Variants in PNPLA1 observed in about 807,000 individuals in gnomAD.
PNPLA1 encodes patatin like domain 1, omega-hydroxyceramide transacylase, also known as omega-hydroxyceramide transacylase.
Under a neutral mutation model 51.7 loss-of-function variants are expected in PNPLA1, and 36 were observed. The observed-to-expected ratio is 0.70, with a 90% CI of 0.53 to 0.92. The LOEUF (loss-of-function observed/expected upper bound fraction) is 0.92, where lower values mean the gene tolerates loss of function less well. Ranked by LOEUF, PNPLA1 falls within the 40% of genes least tolerant of loss-of-function variation. The probability of loss-of-function intolerance (pLI) is 0.00; values close to 1 mark genes in which losing one functional copy is unlikely to be tolerated. For synonymous variants in PNPLA1, 293 were observed against 280.1 expected (o/e 1.05, Z -0.46); for missense variants, 658 against 682.5 (o/e 0.96, Z 0.40).
rs1238322337 is a variant in PNPLA1, at chr6:36,313,955, A to G, written c.*2069A>G. Among the ~76,000 whole-genome samples the G allele has an allele frequency of 6.6e-6, 1 of 152,210 alleles. No homozygotes were observed. The highest frequency in any genetic ancestry group is 6.5e-5 in the Admixed American group (1 of 15,290). On this transcript the variant is annotated 3_prime_UTR_variant, in exon 9 of 9. Coordinates refer to ENST00000636260, the MANE Select transcript of PNPLA1 (RefSeq NM_001374623.1). ...TACATCCTCTTGCATACTTCCCTTC[A>G]CTTGGTTTAATTATTTTTCTTGTTT...
In PNPLA1 at chr6:36,270,323, A is replaced by C; in HGVS notation, c.-137A>C. ...CAGCCTGTGGTTGCTCCAGCCGGGT[A>C]GAGACAGCCACATTCCAAGCTCCGG... is the stretch of plus-strand genomic sequence containing the variant. On this transcript the variant is annotated 5_prime_UTR_variant, in exon 1 of 9. Transcript: ENST00000636260. 14 of 859,104 alleles carry C rather than the reference A, an allele frequency of 1.6e-5. No individual in the cohort carries two copies. The highest frequency in any genetic ancestry group is 2.4e-5 in the Non-Finnish European group (13 of 541,022). 53.2% of individuals were successfully genotyped at this position (859,104 alleles called of 1,614,324 possible).
At chr6:36,302,818 G>T (rs1222451850) in intron 6 of PNPLA1, among the ~76,000 whole-genome samples, 1 of 152,096 alleles carries the variant, frequency 6.6e-6, no homozygotes, top group Non-Finnish European at 1.5e-5. Flanking sequence ...AGCCCTCCAG[G>T]TGATTTTTTG....
intron 5 of PNPLA1, among the ~76,000 whole-genome samples, chr6:36,297,641 G>A (rs552795544): frequency 1.1e-3 from 162 of 152,272 alleles, no homozygotes; most frequent in Non-Finnish European, 1.7e-3. Context: ...TCCTTGCAGC[G>A]GCCTTCTGCC....
chr6:36,303,460 A>G (rs1771138209), intron 6 of PNPLA1, among the ~76,000 whole-genome samples: 1 of 152,226 alleles, frequency 6.6e-6, no homozygotes. Context: ...TAGGGCCTGC[A>G]AAGATAAAAC....
intron 1 of PNPLA1, among the ~76,000 whole-genome samples, chr6:36,254,585 A>C (rs565280271): frequency 1.3e-5 from 2 of 151,954 alleles, no homozygotes; most frequent in South Asian, 4.2e-4. Context: ...AAACAAACAA[A>C]AAAAAAAACA....
rs567223899 is a variant in PNPLA1, at chr6:36,251,809, G to T, written c.-81+8548G>T. ...ATTTTTTTTTAATTAGCCAGGTGAGGTGGTGCAAGTCTGTAGTCCTAGCTA... is the reference window on the plus strand; with the variant it reads ...ATTTTTTTTTAATTAGCCAGGTGAGTTGGTGCAAGTCTGTAGTCCTAGCTA... On this transcript the variant is annotated intron_variant, in intron 1 of 7. Transcript: ENST00000312917. Among the ~76,000 whole-genome samples, 5 of 152,150 alleles carry T rather than the reference G, an allele frequency of 3.3e-5. No homozygotes were observed. In the East Asian group the frequency reaches 9.7e-4, roughly 29 times the overall value.
chr6:36,261,780 A>G (rs570043988), intron 1 of PNPLA1, among the ~76,000 whole-genome samples: 7 of 152,340 alleles, frequency 4.6e-5, no homozygotes, highest in Non-Finnish European at 8.8e-5. Flanking sequence ...AATTTGTCAA[A>G]GGTGCAACTA....
chr6:36,293,578 T>C (rs1413428553), intron 3 of PNPLA1, among the ~76,000 whole-genome samples: 1 of 152,234 alleles, frequency 6.6e-6, no homozygotes, highest in Non-Finnish European at 1.5e-5. Flanking sequence ...CCTGAGGGTC[T>C]GCGCCCCTAA....
chr6:36,306,369 T>C lies in PNPLA1; in HGVS notation c.1462T>C (p.Tyr488His). ...TGTGAAGGAAACCGTCAGCAAGCCT[T>C]ATGTAACGTAAGTTTCCCCTTCGTG... Reference protein sequence around the residue: ...VHVKETVSKPYVTESPAEDSN... With the variant: ...VHVKETVSKPHVTESPAEDSN... The change falls in exon 7 of 9, where the codon TAT becomes CAT. Residue 488 changes from tyrosine to histidine, a missense_variant. Tyr to His is a moderately conservative substitution (Grantham distance 83, BLOSUM62 2). Coordinates refer to ENST00000636260, the MANE Select transcript of PNPLA1 (RefSeq NM_001374623.1). 6.2e-7 allele frequency: 1 copy of C among 1,610,854 alleles called. No individual in the cohort carries two copies. The highest frequency in any genetic ancestry group is 1.7e-5 in the Admixed American group (1 of 59,092).
Position 36,313,362 on chromosome 6 carries a change from C to T in PNPLA1, c.*1476C>T, listed in dbSNP as rs1771447289. 6.6e-6 allele frequency among the ~76,000 whole-genome samples: 1 copy of T among 152,136 alleles called. No individual in the cohort carries two copies. Among genetic ancestry groups the T allele is most frequent in the South Asian group, 2.1e-4 (1 of 4,824 alleles). ...GGTCCCGCCAGGCCCAGCAAGGAAG[C>T]CCCAGCTGCCCACAGGCCTCAGGTA... On this transcript the variant is annotated 3_prime_UTR_variant, in exon 9 of 9. Transcript: ENST00000636260.
In PNPLA1 at chr6:36,312,540, G is replaced by A. The variant is rs937257481; in HGVS notation, c.*654G>A. On this transcript the variant is annotated 3_prime_UTR_variant, in exon 9 of 9. Transcript: ENST00000636260. ...TGGAACTAAGGTTAGGGAAGTCCTA[G>A]ATGGGGGATTTCCTAGGAAGCTGTG... Among the ~76,000 whole-genome samples, 1 of 152,166 alleles carries A rather than the reference G, an allele frequency of 6.6e-6. No individual in the cohort carries two copies. The highest frequency in any genetic ancestry group is 6.5e-5 in the Admixed American group (1 of 15,282).
At chr6:36,275,942 A>G (rs1244258129) in intron 1 of PNPLA1, among the ~76,000 whole-genome samples, 2 of 140,630 alleles carry the variant, frequency 1.4e-5, no homozygotes, top group Non-Finnish European at 3.1e-5. Context: ...TTTTTTACCT[A>G]TGGCATTTTC....
chr6:36,292,272 T>C (rs1219515712), intron 2 of PNPLA1, among the ~76,000 whole-genome samples: 3 of 152,080 alleles, frequency 2.0e-5, no homozygotes, highest in African/African-American at 7.2e-5. Context: ...GAATAGGCAG[T>C]GGGCACAGAC....
chr6:36,304,833 A>G (rs573288141), intron 6 of PNPLA1, among the ~76,000 whole-genome samples: 1 of 152,200 alleles, frequency 6.6e-6, no homozygotes, highest in African/African-American at 2.4e-5. Flanking sequence ...TATATAGTCT[A>G]GTGATTCTCT....
chr6:36,265,989 C>A (rs1275091993), upstream of PNPLA1, among the ~76,000 whole-genome samples: 5 of 152,204 alleles, frequency 3.3e-5, no homozygotes, highest in Non-Finnish European at 7.3e-5. Context: ...ACTCTCCTTC[C>A]CTCATTCTCT....
chr6:36,257,979 T>G lies in PNPLA1; in HGVS notation c.-81+14718T>G, dbSNP rs540013839. Among the ~76,000 whole-genome samples the G allele has an allele frequency of 2.0e-5, 3 of 152,328 alleles. No individual in the cohort carries two copies. The East Asian group carries it at 5.8e-4, about 29-fold the overall frequency. On this transcript the variant is annotated intron_variant, in intron 1 of 7. Coordinates refer to the PNPLA1 transcript ENST00000312917. ...GCTCTTCCCTCTGATGAATAGGAGC[T>G]GAAATCTTTATTTTATTTTTATTTT...
chr6:36,248,940 G>A (rs1769364509), intron 1 of PNPLA1, among the ~76,000 whole-genome samples: 1 of 152,224 alleles, frequency 6.6e-6, no homozygotes, highest in Non-Finnish European at 1.5e-5. Context: ...CTGGATGCTG[G>A]CTGCATATCT....
rs114352134 is a variant in PNPLA1, at chr6:36,304,805, G to A, written c.1385-1487G>A. Among the ~76,000 whole-genome samples, 603 of 152,196 alleles carry A rather than the reference G, an allele frequency of 4.0e-3. 7 individuals are homozygous for A. Among genetic ancestry groups the A allele is most frequent in the African/African-American group, 0.013 (551 of 41,506 alleles). On this transcript the variant is annotated intron_variant, in intron 6 of 8. Transcript: ENST00000636260. Reference sequence around the variant, plus strand: ...CAAGTCGGCATTCCTCACTCATATCGGGGGTGGATAGAGGGCATATATAGT... The same window carrying A: ...CAAGTCGGCATTCCTCACTCATATCAGGGGTGGATAGAGGGCATATATAGT...
At chr6:36,267,975 C>G (rs116155684), upstream of PNPLA1, among the ~76,000 whole-genome samples, 494 of 152,276 alleles carry the variant, frequency 3.2e-3, 1 homozygote, top group Non-Finnish European at 4.3e-3. Context: ...CCAACCAGTC[C>G]CTGGCCCTGA....
Sources: gnomAD v4.1 joint callset for allele counts (sites outside exome capture counted in the v4.1 genomes callset) on GRCh38, gnomAD v4.1.1 for gene constraint, MANE v1.5 for transcripts, NCBI Gene and HGNC (gene_info 2026-07-23, HGNC 2026-07-21) for gene names.